The following GALNTL6 variants were observed in gnomAD, a reference collection of about 807,000 sequenced individuals.
GALNTL6 encodes polypeptide N-acetylgalactosaminyltransferase like 6.
A neutral mutation model predicts 73.7 loss-of-function variants in GALNTL6; 46 were observed. The ratio of observed to expected loss-of-function variants is 0.62; its 90% CI spans 0.49 to 0.80. The LOEUF (loss-of-function observed/expected upper bound fraction) is 0.80. GALNTL6 is among the 30% of genes least tolerant of loss of function. The probability of loss-of-function intolerance (pLI) is 0.00; values close to 1 mark genes in which losing one functional copy is unlikely to be tolerated. For missense variants in GALNTL6, 604 were observed against 755.0 expected (o/e 0.80, Z 2.34); for synonymous variants, 259 against 263.7 (o/e 0.98, Z 0.17).
At chr4:172,329,835 G>T (rs1741065913) in intron 4 of GALNTL6, among the ~76,000 whole-genome samples, 1 of 152,190 alleles carries the variant, frequency 6.6e-6, no homozygotes, top group East Asian at 1.9e-4. Context: ...ACACTGGCAA[G>T]GGTGGCTAGT....
intron 5 of GALNTL6, among the ~76,000 whole-genome samples, chr4:172,429,224 T>TTTTATTTTA (rs1397984599): frequency 7.9e-5 from 12 of 151,024 alleles, no homozygotes; most frequent in Admixed American, 7.3e-4. Context: ...TTTTATTTTA[T>TTTTATTTTA]TTTTTGAGAC....
intron 2 of GALNTL6, among the ~76,000 whole-genome samples, chr4:172,088,040 A>G (rs1249341711): frequency 6.6e-6 from 1 of 152,198 alleles, no homozygotes; most frequent in Non-Finnish European, 1.5e-5. Flanking sequence ...ACTTCAGAAC[A>G]AAGTAGTTAC....
chr4:172,172,731 A>G (rs1377031837), intron 2 of GALNTL6, among the ~76,000 whole-genome samples: 1 of 152,240 alleles, frequency 6.6e-6, no homozygotes, highest in Non-Finnish European at 1.5e-5. Flanking sequence ...TGGAGTCAAC[A>G]TCTCCACAAA....
chr4:172,183,024 T>G (rs919987616), intron 2 of GALNTL6, among the ~76,000 whole-genome samples: 1 of 152,200 alleles, frequency 6.6e-6, no homozygotes, highest in Admixed American at 6.5e-5. Context: ...TTCTTGCTGA[T>G]AGATGAAAAC....
intron 5 of GALNTL6, among the ~76,000 whole-genome samples, chr4:172,806,756 A>T (rs949230431): frequency 1.3e-5 from 2 of 152,182 alleles, no homozygotes; most frequent in Non-Finnish European, 2.9e-5. Flanking sequence ...ACAAATATTG[A>T]TGATCTGTGT....
chr4:172,077,294 A>G (rs921208039), intron 2 of GALNTL6, among the ~76,000 whole-genome samples: 1 of 152,186 alleles, frequency 6.6e-6, no homozygotes, highest in Non-Finnish European at 1.5e-5. Context: ...TCAGAAGAAG[A>G]CAGGAAGATG....
At chr4:173,019,592 C>T (rs1321568570) in intron 11 of GALNTL6, among the ~76,000 whole-genome samples, 1 of 152,230 alleles carries the variant, frequency 6.6e-6, no homozygotes, top group Non-Finnish European at 1.5e-5. Flanking sequence ...AAAAATGTCT[C>T]AGTCCACAAT....
At chr4:172,203,673 C>A (rs1284338821) in intron 2 of GALNTL6, among the ~76,000 whole-genome samples, 1 of 152,150 alleles carries the variant, frequency 6.6e-6, no homozygotes, top group Admixed American at 6.5e-5. Context: ...GACCCATCTA[C>A]TCTAAAATTC....
At chr4:172,412,613 T>C (rs1237785094) in intron 5 of GALNTL6, among the ~76,000 whole-genome samples, 5 of 152,194 alleles carry the variant, frequency 3.3e-5, no homozygotes, top group Admixed American at 2.6e-4. Flanking sequence ...AGCTAAACTT[T>C]CTTTTTCCAA....
At chr4:171,841,263 T>C (rs908717736) in intron 2 of GALNTL6, among the ~76,000 whole-genome samples, 1 of 152,162 alleles carries the variant, frequency 6.6e-6, no homozygotes, top group African/African-American at 2.4e-5. Context: ...TATTAATTAA[T>C]GGTGGATAAA....
intron 5 of GALNTL6, among the ~76,000 whole-genome samples, chr4:172,408,319 C>G (rs1002935626): frequency 6.6e-6 from 1 of 151,926 alleles, no homozygotes; most frequent in African/African-American, 2.4e-5. Flanking sequence ...TATTTTTATA[C>G]CTATACCTGT....
In GALNTL6 at chr4:171,959,223, A is replaced by AT. The variant is rs201137661; in HGVS notation, c.138+144514dup. ...GGGAACTAGAGTCTGAAATGCAGGA[A>AT]TTTTTTTTTGAAAACAATATAATGC... On this transcript the variant is annotated intron_variant, in intron 2 of 12. Coordinates refer to ENST00000506823, the MANE Select transcript of GALNTL6 (RefSeq NM_001034845.3). Among the ~76,000 whole-genome samples the AT allele has an allele frequency of 3.2e-3, 483 of 151,748 alleles. 5 individuals are homozygous for AT. The highest frequency in any genetic ancestry group is 9.6e-3 in the African/African-American group (398 of 41,446).
At chr4:172,279,663 A>G (rs1453456338) in intron 3 of GALNTL6, among the ~76,000 whole-genome samples, 1 of 152,200 alleles carries the variant, frequency 6.6e-6, no homozygotes, top group Non-Finnish European at 1.5e-5. Context: ...ACAGTATGGC[A>G]GTACCTAAAA....
intron 3 of GALNTL6, among the ~76,000 whole-genome samples, chr4:172,263,766 T>C (rs1738336871): frequency 1.3e-5 from 2 of 151,592 alleles, no homozygotes; most frequent in Admixed American, 1.3e-4. Flanking sequence ...TGAATAATTA[T>C]GTTAATTGAA....
chr4:172,416,975 C>G (rs891433005), intron 5 of GALNTL6, among the ~76,000 whole-genome samples: 10 of 152,014 alleles, frequency 6.6e-5, no homozygotes, highest in Non-Finnish European at 1.2e-4. Flanking sequence ...GGTTTATAAG[C>G]TTATAATTGT....
intron 2 of GALNTL6, among the ~76,000 whole-genome samples, chr4:172,056,495 T>C (rs746951390): frequency 3.9e-5 from 6 of 152,246 alleles, no homozygotes; most frequent in Admixed American, 6.5e-5. Flanking sequence ...ATACGATGAA[T>C]AAAATTATTT....
chr4:172,169,067 G>A (rs1734728023), intron 2 of GALNTL6, among the ~76,000 whole-genome samples: 1 of 152,134 alleles, frequency 6.6e-6, no homozygotes, highest in South Asian at 2.1e-4. Context: ...GTGTTTTCTT[G>A]GTATGTTATT....
intron 12 of GALNTL6, among the ~76,000 whole-genome samples, chr4:173,030,359 A>C (rs774333220): frequency 5.3e-5 from 8 of 152,074 alleles, no homozygotes; most frequent in Non-Finnish European, 4.4e-5. Flanking sequence ...GGTTGTTATG[A>C]CCTTCTAACT....
At chr4:172,642,165 GA>G (rs996169476) in intron 5 of GALNTL6, among the ~76,000 whole-genome samples, 15 of 152,032 alleles carry the variant, frequency 9.9e-5, no homozygotes, top group African/African-American at 3.6e-4. Context: ...AAAACAGTAT[GA>G]AGCTTCCTCA....
Sources: allele counts gnomAD v4.1 joint callset (sites outside exome capture counted in the v4.1 genomes callset), GRCh38; gene constraint gnomAD v4.1.1; transcripts MANE v1.5; gene names NCBI Gene and HGNC (gene_info 2026-07-23, HGNC 2026-07-21).